SPAG16: variants seen among roughly 807,000 people sequenced by gnomAD.
The protein encoded by SPAG16 is sperm-associated antigen 16 protein.
A neutral mutation model predicts 80.4 loss-of-function variants in SPAG16; 86 were observed. The ratio of observed to expected loss-of-function variants is 1.07; its 90% CI spans 0.90 to 1.28. The LOEUF is 1.28. Ranked by LOEUF, SPAG16 falls within the 50% of genes most tolerant of loss-of-function variation. The pLI is 0.00. For missense variants in SPAG16, 870 were observed against 765.3 expected, an observed-to-expected ratio of 1.14 and a Z score of -1.61; for synonymous variants, 294 against 265.9, an observed-to-expected ratio of 1.11 and a Z score of -1.03.
chr2:214,024,085 C>T (rs1361611236), intron 13 of SPAG16, among the ~76,000 whole-genome samples: 2 of 151,286 alleles, frequency 1.3e-5, no homozygotes, highest in Non-Finnish European at 3.0e-5. Flanking sequence ...AGTAAAATTC[C>T]CAATCAATTA....
intron 15 of SPAG16, among the ~76,000 whole-genome samples, chr2:214,155,475 G>T (rs1232297424): frequency 6.6e-6 from 1 of 151,908 alleles, no homozygotes; most frequent in Non-Finnish European, 1.5e-5. Context: ...ATTTGCAGCA[G>T]AGATATATGG....
intron 15 of SPAG16, among the ~76,000 whole-genome samples, chr2:214,278,164 G>A (rs939039485): frequency 5.3e-5 from 8 of 152,086 alleles, no homozygotes; most frequent in Admixed American, 1.3e-4. Context: ...TTGCTAAGAC[G>A]GTTGGAAAAG....
At chr2:213,835,247 T>G (rs1307285823) in intron 10 of SPAG16, among the ~76,000 whole-genome samples, 1 of 152,196 alleles carries the variant, frequency 6.6e-6, no homozygotes, top group Non-Finnish European at 1.5e-5. Flanking sequence ...GGCTGTCTCC[T>G]CTCTTGTATC....
chr2:213,925,629 G>A (rs942393264), intron 11 of SPAG16, among the ~76,000 whole-genome samples: 2 of 152,240 alleles, frequency 1.3e-5, no homozygotes, highest in Non-Finnish European at 2.9e-5. Context: ...TGGAATTACA[G>A]ACATGGGCCT....
chr2:214,246,593 A>T (rs1417642205), intron 15 of SPAG16, among the ~76,000 whole-genome samples: 1 of 152,096 alleles, frequency 6.6e-6, no homozygotes, highest in Admixed American at 6.6e-5. Context: ...TATATTCCAG[A>T]GAACAACCAA....
chr2:213,902,298 G>A (rs186255579), intron 11 of SPAG16, among the ~76,000 whole-genome samples: 85 of 152,114 alleles, frequency 5.6e-4, no homozygotes, highest in African/African-American at 1.8e-3. Context: ...GTACATTTAT[G>A]TATTAGTCTG....
At chr2:213,556,649 A>G (rs1275626355) in intron 10 of SPAG16, among the ~76,000 whole-genome samples, 1 of 152,132 alleles carries the variant, frequency 6.6e-6, no homozygotes, top group Non-Finnish European at 1.5e-5. Flanking sequence ...ATGGAAGGGG[A>G]CTTCAATATC....
At chr2:213,424,415 A>G (rs934044155) in intron 9 of SPAG16, among the ~76,000 whole-genome samples, 1 of 152,210 alleles carries the variant, frequency 6.6e-6, no homozygotes, top group African/African-American at 2.4e-5. Context: ...TTTATGAACT[A>G]ATATGAAAAG....
intron 10 of SPAG16, among the ~76,000 whole-genome samples, chr2:213,804,682 CAACTAACTAACTAACTAACT>C (rs75058174): frequency 9.4e-5 from 14 of 148,610 alleles, no homozygotes; most frequent in Admixed American, 1.3e-4. Context: ...GACTCCGTCT[CAACTAACTAACTAACTAACT>C]AACTAACTAA....
intron 9 of SPAG16, among the ~76,000 whole-genome samples, chr2:213,424,717 C>A (rs955521233): frequency 2.0e-5 from 3 of 152,196 alleles, no homozygotes; most frequent in Non-Finnish European, 4.4e-5. Flanking sequence ...GGAACTCATG[C>A]TAGAGATGCT....
chr2:214,084,612 G>T (rs1302191944), intron 13 of SPAG16, among the ~76,000 whole-genome samples: 2 of 152,018 alleles, frequency 1.3e-5, no homozygotes, highest in East Asian at 3.9e-4. Context: ...ATAATATATG[G>T]TTGTTGTCAC....
At chr2:213,483,588 A>G (rs2073849368) in intron 9 of SPAG16, among the ~76,000 whole-genome samples, 1 of 152,198 alleles carries the variant, frequency 6.6e-6, no homozygotes, top group Admixed American at 6.5e-5. Flanking sequence ...AGCTCACTGA[A>G]AACAGATTGT....
chr2:213,432,070 A>G (rs1242645841), intron 9 of SPAG16, among the ~76,000 whole-genome samples: 1 of 152,148 alleles, frequency 6.6e-6, no homozygotes, highest in Non-Finnish European at 1.5e-5. Flanking sequence ...CAACATATCA[A>G]AACCTTTGGG....
At chr2:213,389,759 T>C (rs1473382928) in intron 9 of SPAG16, among the ~76,000 whole-genome samples, 1 of 152,146 alleles carries the variant, frequency 6.6e-6, no homozygotes, top group Non-Finnish European at 1.5e-5. Context: ...CATAAGTTAA[T>C]TGGAACCATT....
At chr2:214,395,971 A>G (rs1372621228) in intron 15 of SPAG16, among the ~76,000 whole-genome samples, 1 of 152,144 alleles carries the variant, frequency 6.6e-6, no homozygotes, top group Non-Finnish European at 1.5e-5. Flanking sequence ...TGCTATTGTG[A>G]ATAGTGCTGC....
intron 5 of SPAG16, among the ~76,000 whole-genome samples, chr2:213,336,107 C>G (rs1166522185): frequency 2.0e-5 from 3 of 152,164 alleles, no homozygotes; most frequent in Non-Finnish European, 2.9e-5. Flanking sequence ...AGCTTTCTCC[C>G]CCAGCCAAAG....
chr2:213,970,093 C>T (rs1210324426), intron 12 of SPAG16, among the ~76,000 whole-genome samples: 1 of 152,048 alleles, frequency 6.6e-6, no homozygotes, highest in Non-Finnish European at 1.5e-5. Context: ...AAAAATGTTC[C>T]CTCAGACTTT....
intron 10 of SPAG16, among the ~76,000 whole-genome samples, chr2:213,778,285 A>T (rs1321987194): frequency 6.6e-6 from 1 of 152,200 alleles, no homozygotes; most frequent in Non-Finnish European, 1.5e-5. Flanking sequence ...AGTTAAAATA[A>T]GAAAGTCATA....
chr2:213,522,422 AGG>A (rs2075712279), intron 10 of SPAG16, among the ~76,000 whole-genome samples: 1 of 152,186 alleles, frequency 6.6e-6, no homozygotes, highest in African/African-American at 2.4e-5. Context: ...CTATTTAAAA[AGG>A]GGGGTGGGAA....
Sources: allele counts gnomAD v4.1 joint callset (sites outside exome capture counted in the v4.1 genomes callset), GRCh38; gene constraint gnomAD v4.1.1; transcripts MANE v1.5; gene names NCBI Gene and HGNC (gene_info 2026-07-23, HGNC 2026-07-21).